SASH1: variants seen among roughly 807,000 people sequenced by gnomAD.
SASH1 encodes the protein SAM and SH3 domain containing 1.
A neutral mutation model predicts 125.2 loss-of-function variants in SASH1; 44 were observed. The ratio of observed to expected loss-of-function variants is 0.35; its 90% CI spans 0.28 to 0.45. The LOEUF is 0.45. Among genes scored for constraint, SASH1 ranks in the 20% least tolerant of loss-of-function variants. SASH1 has a pLI of 1.00. For synonymous variants in SASH1, 639 were observed against 649.1 expected, an observed-to-expected ratio of 0.98 and a Z score of 0.24; for missense variants, 1,426 against 1,614.5, an observed-to-expected ratio of 0.88 and a Z score of 2.00.
chr6:148,335,039 T>C (rs111506886), intron 1 of SASH1, among the ~76,000 whole-genome samples: 6,221 of 150,350 alleles, frequency 0.041, 227 homozygotes, highest in South Asian at 0.16. Context: ...GGCTCACACT[T>C]GTAATCCCAG....
chr6:148,386,215 T>C lies in SASH1; in HGVS notation c.157-3919T>C, dbSNP rs73788542. ...TCAGAAGTGATCTCTGTTGTGAGGC[T>C]GTAGAAGACATTGAGTTTGGTTTTT... On this transcript the variant is annotated intron_variant, in intron 1 of 19. Coordinates refer to ENST00000367467, the MANE Select transcript of SASH1 (RefSeq NM_015278.5). 4.7e-3 allele frequency among the ~76,000 whole-genome samples: 715 copies of C among 152,336 alleles called. 6 individuals carry two copies. Among genetic ancestry groups the C allele is most frequent in the African/African-American group, 0.016 (672 of 41,576 alleles).
At position 148,519,952 on chromosome 6, in the gene SASH1, T is replaced by C. The variant is rs1243566985; in HGVS notation, c.1209+59T>C. The C allele has an allele frequency of 5.7e-6, 7 of 1,232,124 alleles. No homozygotes were observed. The East Asian group carries it at 7.6e-5, about 13-fold the overall frequency. 76.3% of individuals were successfully genotyped at this position (1,232,124 alleles called of 1,614,324 possible). Reference sequence around the variant, plus strand: ...CACCGTCGCAGGCACCACCTTCTGGTGTCCCTGGAGGAGTTTCAGAGTGTC... The same window carrying C: ...CACCGTCGCAGGCACCACCTTCTGGCGTCCCTGGAGGAGTTTCAGAGTGTC... On this transcript the variant is annotated intron_variant, in intron 10 of 19. Transcript: ENST00000367467. The surrounding 1 kb of genome is among the most constrained non-coding windows in gnomAD (Gnocchi z 4.8).
intron 8 of SASH1, chr6:148,508,858 C>T (rs1329218153): frequency 7.8e-7 from 1 of 1,287,292 alleles, no homozygotes; most frequent in Non-Finnish European, 1.0e-6. Flanking sequence ...ACCCCTTAGG[C>T]TTGCTAAATG....
At chr6:148,242,701 T>C in the SASH1 span, among the ~76,000 whole-genome samples, 10,279 of 152,190 alleles carry the variant, frequency 0.068, 359 homozygotes, top group Middle Eastern at 0.11. Context: ...CAAATACATA[T>C]CGCAATTTAT....
the SASH1 span, among the ~76,000 whole-genome samples, chr6:148,216,949 T>A: frequency 0.53 from 80,953 of 151,730 alleles, 22,242 homozygotes; most frequent in African/African-American, 0.65. Flanking sequence ...CTGGTCTCGA[T>A]CTCCTGACCT....
chr6:148,451,494 C>T (rs914113355), intron 4 of SASH1, among the ~76,000 whole-genome samples: 6 of 152,152 alleles, frequency 3.9e-5, no homozygotes, highest in Admixed American at 1.3e-4. Flanking sequence ...CCTAGATTTT[C>T]CTCTTCTAAA....
upstream of SASH1, among the ~76,000 whole-genome samples, chr6:148,340,712 C>T (rs1214212905): frequency 6.6e-6 from 1 of 152,168 alleles, no homozygotes; most frequent in Non-Finnish European, 1.5e-5. Context: ...GGCCTAACTC[C>T]GGCATCAGCC....
intron 2 of SASH1, among the ~76,000 whole-genome samples, chr6:148,421,201 GAA>G (rs1259923448): frequency 7.1e-6 from 1 of 141,432 alleles, no homozygotes; most frequent in African/African-American, 2.6e-5. Flanking sequence ...AAGAAAGAAA[GAA>G]AGAAAGAAAG....
chr6:148,468,423 C>G (rs1777946839), intron 4 of SASH1, 122 bp from the exon 5 acceptor site: 8 of 695,298 alleles, frequency 1.2e-5, no homozygotes, highest in Non-Finnish European at 2.0e-5. Context: ...GGTAAATAGC[C>G]TATAACAATT....
At chr6:148,287,349 G>T (rs9322139) in intron 1 of SASH1, among the ~76,000 whole-genome samples, 61,064 of 151,890 alleles carry the variant, frequency 0.4, 12,603 homozygotes, top group African/African-American at 0.49. Flanking sequence ...GAATCTATCG[G>T]CATGTTAACA....
At chr6:148,267,365 TTGTG>T (rs200228547), upstream of SASH1, among the ~76,000 whole-genome samples, 13 of 130,008 alleles carry the variant, frequency 1.0e-4, no homozygotes, top group African/African-American at 1.8e-4. Context: ...CAGTACTACT[TTGTG>T]TGTGTGTGTG....
intron 1 of SASH1, among the ~76,000 whole-genome samples, chr6:148,386,721 G>T (rs1218088230): frequency 6.6e-6 from 1 of 152,196 alleles, no homozygotes; most frequent in Non-Finnish European, 1.5e-5. Context: ...GGATCTTCCA[G>T]GGTCCCCGGT....
intron 1 of SASH1, among the ~76,000 whole-genome samples, chr6:148,291,237 G>A (rs1779624284): frequency 6.6e-6 from 1 of 152,162 alleles, no homozygotes; most frequent in Admixed American, 6.5e-5. Context: ...GAATAACTTT[G>A]AAATGATAAA....
At chr6:148,455,369 G>A (rs547629938) in intron 4 of SASH1, among the ~76,000 whole-genome samples, 1 of 152,332 alleles carries the variant, frequency 6.6e-6, no homozygotes, top group Admixed American at 6.5e-5. Flanking sequence ...CACAGGTCGA[G>A]TTGGGGGCTG....
the SASH1 span, among the ~76,000 whole-genome samples, chr6:148,230,121 T>A: frequency 6.6e-6 from 1 of 152,182 alleles, no homozygotes; most frequent in African/African-American, 2.4e-5. Context: ...TCTCTATAGA[T>A]CTGCCTATTC....
At position 148,544,241 on chromosome 6, in the gene SASH1, C is replaced by A; in HGVS notation, c.2771C>A (p.Pro924His). The A allele has an allele frequency of 6.2e-7, 1 of 1,614,148 alleles. No homozygotes were observed. Among genetic ancestry groups the A allele is most frequent in the Non-Finnish European group, 8.5e-7 (1 of 1,180,034 alleles). The stretch of plus-strand genomic sequence containing the variant: ...GCAGCCTCTGGTCGCGGCCTGTCAC[C>A]CCCTCAGTGTTTGCCCAGAAACTAT... ...SIAASGRGLS[P>H]PQCLPRNYDA... is the part of the protein sequence containing the mutation. The change falls in exon 18 of 20, where the codon CCC (proline) becomes CAC (histidine). Residue 924 changes from proline (P) to histidine (H), a missense_variant. Physicochemically the swap from Pro to His is moderately conservative, Grantham distance 77 (BLOSUM62 -2). Transcript: ENST00000367467. The surrounding 1 kb of genome is among the most constrained non-coding windows in gnomAD (Gnocchi z 6.4).
chr6:148,350,339 A>G (rs1781685364), intron 1 of SASH1, among the ~76,000 whole-genome samples: 1 of 152,212 alleles, frequency 6.6e-6, no homozygotes, highest in Non-Finnish European at 1.5e-5. Context: ...ATATATGTAC[A>G]AATATTTGTA....
At chr6:148,435,531 C>T (rs975245843) in intron 2 of SASH1, among the ~76,000 whole-genome samples, 1 of 151,952 alleles carries the variant, frequency 6.6e-6, no homozygotes, top group East Asian at 1.9e-4. Context: ...TTCATAAATA[C>T]GATTTTTCCT....
chr6:148,305,938 A>C (rs1340554552), intron 1 of SASH1, among the ~76,000 whole-genome samples: 1 of 152,204 alleles, frequency 6.6e-6, no homozygotes. Flanking sequence ...CCATGGCACA[A>C]AGAAATGATG....
Sources: allele counts gnomAD v4.1 joint callset (sites outside exome capture counted in the v4.1 genomes callset), GRCh38; gene constraint gnomAD v4.1.1; non-coding constraint Gnocchi (gnomAD v3.1); transcripts MANE v1.5; gene names NCBI Gene and HGNC (gene_info 2026-07-23, HGNC 2026-07-21).